UBASH3A: variants seen among roughly 807,000 people sequenced by gnomAD.
UBASH3A encodes the protein ubiquitin-associated and SH3 domain-containing protein A.
Under a neutral mutation model 73.5 loss-of-function variants are expected in UBASH3A, and 63 were observed. That is an observed-to-expected ratio of 0.86 (90% CI 0.70 to 1.06). UBASH3A has a LOEUF of 1.06. Among genes scored for constraint, UBASH3A ranks in the 50% least tolerant of loss-of-function variants. The probability of loss-of-function intolerance (pLI) is 0.00; values close to 1 mark genes in which losing one functional copy is unlikely to be tolerated. For missense variants in UBASH3A, 860 were observed against 859.0 expected (o/e 1.00, Z -0.02); for synonymous variants, 363 against 351.1 (o/e 1.03, Z -0.38).
chr21:42,442,560 T>G lies in UBASH3A; in HGVS notation c.1595T>G (p.Leu532Arg). ...TTPTLMSLEE[L>R]KEANFNIDTD... ...CCAACCCTCATGAGCCTGGAAGAGC[T>G]GAAAGAGGCAAATTTCAACATTGAC... is the stretch of plus-strand genomic sequence containing the variant. Residue 532 changes from leucine to arginine, a missense_variant, in exon 12 of 15, where the codon CTG (leucine) becomes CGG (arginine). By Grantham distance (102) the Leu-to-Arg change is moderately radical. Transcript: ENST00000319294. The G allele has an allele frequency of 6.2e-7, 1 of 1,614,070 alleles. No homozygotes were observed. The highest frequency in any genetic ancestry group is 8.5e-7 in the Non-Finnish European group (1 of 1,180,008).
At chr21:42,404,673 C>T (rs1239650712) in intron 1 of UBASH3A, among the ~76,000 whole-genome samples, 3 of 152,322 alleles carry the variant, frequency 2.0e-5, no homozygotes, top group South Asian at 4.1e-4. Flanking sequence ...CCCCAAAGCC[C>T]GCTGAGTCTC....
chr21:42,433,876 C>T (rs1275447471), intron 9 of UBASH3A, among the ~76,000 whole-genome samples: 3 of 152,242 alleles, frequency 2.0e-5, no homozygotes, highest in South Asian at 2.1e-4. Flanking sequence ...GATGAAGGGG[C>T]CTGGCATATT....
intron 8 of UBASH3A, among the ~76,000 whole-genome samples, chr21:42,427,673 A>T: frequency 6.6e-6 from 1 of 152,126 alleles, no homozygotes; most frequent in East Asian, 1.9e-4. Context: ...TGTTGGAAGG[A>T]TTATGTGAGA....
chr21:42,413,594 T>C lies in UBASH3A; in HGVS notation c.667+71T>C. On this transcript the variant is annotated intron_variant, in intron 5 of 14. Coordinates refer to ENST00000319294, the MANE Select transcript of UBASH3A (RefSeq NM_018961.4). The surrounding 1 kb of genome is among the most constrained non-coding windows in gnomAD (Gnocchi z 4.5). The stretch of plus-strand genomic sequence containing the variant: ...GGCGGGAATAGCCTTGTTCTCATTA[T>C]GTGGTTTTTAAAATGCTTAGCTATA... The C allele has an allele frequency of 8.3e-7, 1 of 1,204,468 alleles. No individual in the cohort carries two copies. Among genetic ancestry groups the C allele is most frequent in the Non-Finnish European group, 1.2e-6 (1 of 840,072 alleles). The allele number at this position is 1,204,468 out of a possible 1,614,324, so 74.6% of individuals were successfully genotyped here. A position where few individuals can be genotyped will look rare whatever the true frequency, so the allele number is the denominator to read the frequency against.
chr21:42,419,358 A>G (rs1321507250), intron 7 of UBASH3A, among the ~76,000 whole-genome samples: 1 of 152,202 alleles, frequency 6.6e-6, no homozygotes, highest in Non-Finnish European at 1.5e-5. Flanking sequence ...CCGCTTCACT[A>G]TAAATAACAT....
At chr21:42,410,180 C>G in intron 3 of UBASH3A, 1 of 701,640 alleles carries the variant, frequency 1.4e-6, no homozygotes, top group South Asian at 1.5e-5. Flanking sequence ...AACACAATGG[C>G]CCAGCAGGCA....
At chr21:42,417,270 GA>G (rs2053230397) in intron 6 of UBASH3A, among the ~76,000 whole-genome samples, 1 of 151,392 alleles carries the variant, frequency 6.6e-6, no homozygotes, top group Non-Finnish European at 1.5e-5. Flanking sequence ...TAAAAATACA[GA>G]AAATTAGCCG....
chr21:42,439,198 T>C (rs1475593132), intron 11 of UBASH3A, among the ~76,000 whole-genome samples: 2 of 152,126 alleles, frequency 1.3e-5, no homozygotes, highest in East Asian at 1.9e-4. Flanking sequence ...TTCCATCCCA[T>C]AGTCCAGTCC....
intron 2 of UBASH3A, among the ~76,000 whole-genome samples, chr21:42,408,348 T>C (rs145105360): frequency 5.9e-4 from 90 of 152,380 alleles, no homozygotes; most frequent in African/African-American, 2.1e-3. Context: ...ATGGAGTTTT[T>C]CTTCTTTCTT....
Position 42,444,661 on chromosome 21 carries a change from G to C in UBASH3A, c.1848+18G>C. 1 of 1,558,882 alleles carries C rather than the reference G, an allele frequency of 6.4e-7. No homozygotes were observed. Among genetic ancestry groups the C allele is most frequent in the South Asian group, 1.1e-5 (1 of 90,002 alleles). On this transcript the variant is annotated intron_variant, in intron 14 of 14. Transcript: ENST00000319294. ...TGAGAAAGGTACGCGCCCACTCTTG[G>C]CTCTTTGGGCCACAAAATCAAGCAT...
chr21:42,406,124 G>A (rs899692648), intron 1 of UBASH3A, among the ~76,000 whole-genome samples, 184 bp from the exon 2 acceptor site: 1 of 151,978 alleles, frequency 6.6e-6, no homozygotes, highest in South Asian at 2.1e-4. Flanking sequence ...GGTCAGCATT[G>A]TCCAAAACCA....
At position 42,430,127 on chromosome 21, in the gene UBASH3A, C is replaced by T. The variant is rs1433994205; in HGVS notation, c.1171-1976C>T. 2.6e-5 allele frequency among the ~76,000 whole-genome samples: 4 copies of T among 152,162 alleles called. No individual in the cohort carries two copies. In the East Asian group the frequency reaches 7.7e-4, roughly 29 times the overall value. On this transcript the variant is annotated intron_variant, in intron 8 of 14. Transcript: ENST00000319294. ...GTGAAATTGGCCCCCACCCTACTTT[C>T]TGGTGTCCCTTCCTTCCCAGTAGTT...
At chr21:42,412,753 A>T (rs746712044) in intron 3 of UBASH3A, among the ~76,000 whole-genome samples, 1 of 152,112 alleles carries the variant, frequency 6.6e-6, no homozygotes, top group Non-Finnish European at 1.5e-5. Context: ...GAGGGAGGGG[A>T]TGCAGTTCAA....
At position 42,442,549 on chromosome 21, in the gene UBASH3A, C is replaced by T. The variant is rs2053766002; in HGVS notation, c.1584C>T (p.Ser528=). The change falls in exon 12 of 15, where the codon AGC becomes AGT. Residue 528 remains serine (S), a synonymous_variant. Transcript: ENST00000319294. Reference sequence around the variant, plus strand: ...GCAAAACCACCCCAACCCTCATGAGCCTGGAAGAGCTGAAAGAGGCAAATT... The same window carrying T: ...GCAAAACCACCCCAACCCTCATGAGTCTGGAAGAGCTGAAAGAGGCAAATT... ...EAGKTTPTLM[S]LEELKEANFN... 1 of 1,613,966 alleles carries T rather than the reference C, an allele frequency of 6.2e-7. No individual in the cohort carries two copies. The highest frequency in any genetic ancestry group is 1.3e-5 in the African/African-American group (1 of 74,880).
chr21:42,406,159 C>A (rs895769718), intron 1 of UBASH3A, 149 bp from the exon 2 acceptor site: 2 of 716,268 alleles, frequency 2.8e-6, no homozygotes, highest in Non-Finnish European at 5.1e-6. Flanking sequence ...AGGGGACAGG[C>A]GCTAGAACTT....
At position 42,437,440 on chromosome 21, in the gene UBASH3A, G is replaced by A. The variant is rs143650529; in HGVS notation, c.1394-48G>A. ...AGCACATGGCTCATCTGCCATCAGA[G>A]GCTAGAATTATGAAGGGGCATTTTC... On this transcript the variant is annotated intron_variant, in intron 10 of 14. Transcript: ENST00000319294. 5.0e-4 allele frequency: 776 copies of A among 1,556,148 alleles called. 9 individuals carry two copies. In the East Asian group the frequency reaches 0.016, roughly 32 times the overall value.
intron 1 of UBASH3A, 116 bp downstream of exon 1, chr21:42,404,174 C>T: frequency 2.0e-6 from 1 of 492,462 alleles, no homozygotes; most frequent in Non-Finnish European, 3.4e-6. Context: ...CAAAGCAGTG[C>T]ACCTTGCAGG....
rs1429661725 is a variant in UBASH3A at position 42,443,362 on chromosome 21, A to G, written c.1682A>G (p.Tyr561Cys). The G allele has an allele frequency of 5.0e-6, 8 of 1,613,412 alleles. No homozygotes were observed. Among genetic ancestry groups the G allele is most frequent in the South Asian group, 1.1e-5 (1 of 90,940 alleles). The change falls in exon 13 of 15, where the codon TAC (tyrosine) becomes TGC (cysteine). Residue 561 changes from tyrosine (Y) to cysteine (C), a missense_variant. Tyr to Cys is a radical substitution (Grantham distance 194). Transcript: ENST00000319294. The part of the protein sequence containing the change: ...ALMPAESYQE[Y>C]MDRCTASMVQ... The stretch of plus-strand genomic sequence containing the variant: ...ATGCCGGCCGAGAGCTACCAGGAGT[A>G]CATGGACAGGTGCACGGCGAGCATG...
intron 8 of UBASH3A, among the ~76,000 whole-genome samples, chr21:42,427,583 C>T (rs888494686): frequency 2.0e-5 from 3 of 152,234 alleles, no homozygotes; most frequent in Non-Finnish European, 4.4e-5. Context: ...ACCCATTTTA[C>T]AGATCTGAAA....
Sources: gnomAD v4.1 joint callset for allele counts (sites outside exome capture counted in the v4.1 genomes callset) on GRCh38, gnomAD v4.1.1 for gene constraint, Gnocchi (gnomAD v3.1) non-coding constraint, MANE v1.5 for transcripts, NCBI Gene and HGNC (gene_info 2026-07-23, HGNC 2026-07-21) for gene names.